PTPRF: variants seen among roughly 807,000 people sequenced by gnomAD.
PTPRF encodes receptor-type tyrosine-protein phosphatase F.
In PTPRF, 59 loss-of-function variants were observed where a neutral mutation model predicts 201.8. That is an observed-to-expected ratio of 0.29 (90% CI 0.24 to 0.36). PTPRF has a LOEUF of 0.36. PTPRF is among the 10% of genes least tolerant of loss of function. The pLI, the probability that PTPRF is intolerant of heterozygous loss-of-function variation, is 1.00. For synonymous variants in PTPRF, 1,088 were observed against 1,089.7 expected (o/e 1.00, Z 0.03); for missense variants, 2,132 against 2,690.5 (o/e 0.79, Z 4.59).
chr1:43,553,382 C>G lies in PTPRF; in HGVS notation c.92-110C>G, dbSNP rs1645152864. On this transcript the variant is annotated intron_variant, in intron 3 of 33. Coordinates refer to ENST00000359947, the MANE Select transcript of PTPRF (RefSeq NM_002840.5). The surrounding 1 kb of genome is among the most constrained non-coding windows in gnomAD (Gnocchi z 4.1). ...TAAGCGCTACATAAAGGTGAGGTGT[C>G]CTTGTTTTCTTTGTAGGTCTTTCTC... 8.0e-7 allele frequency: 1 copy of G among 1,254,490 alleles called. No individual in the cohort carries two copies. The highest frequency in any genetic ancestry group is 1.5e-5 in the African/African-American group (1 of 66,448). 77.7% of individuals were successfully genotyped at this position (1,254,490 alleles called of 1,614,324 possible). A position where few individuals can be genotyped will look rare whatever the true frequency, so the allele number is the denominator to read the frequency against.
intron 5 of PTPRF, among the ~76,000 whole-genome samples, chr1:43,561,091 T>C (rs754520299): frequency 1.2e-4 from 18 of 152,048 alleles, no homozygotes; most frequent in Non-Finnish European, 2.4e-4. Context: ...CTGGCTGGCT[T>C]TGGGGCTCGT....
At position 43,618,677 on chromosome 1, in the gene PTPRF, C is replaced by G. The variant is rs770071834; in HGVS notation, c.4419C>G (p.Gly1473=). ...CAGCCCGTGGCACCGAGACCTGTGG[C>G]CTTATTCAGGTGACCCTGTTGGACA... ...YWPARGTETC[G]LIQVTLLDTV... Residue 1473 remains glycine (G), a synonymous_variant, in exon 26 of 34, where the codon GGC becomes GGG. Transcript: ENST00000359947. The G allele has an allele frequency of 6.2e-7, 1 of 1,612,902 alleles. No homozygotes were observed. Among genetic ancestry groups the G allele is most frequent in the East Asian group, 2.2e-5 (1 of 44,814 alleles).
At chr1:43,575,951 C>T (rs58472247) in intron 6 of PTPRF, 12 of 1,364,192 alleles carry the variant, frequency 8.8e-6, no homozygotes, top group East Asian at 4.6e-5. Flanking sequence ...CCGTGCCTCT[C>T]GCCACACCAC....
chr1:43,612,856 C>T (rs778030701), intron 22 of PTPRF: 4 of 1,298,292 alleles, frequency 3.1e-6, no homozygotes, highest in South Asian at 1.2e-5. Flanking sequence ...TGTCTGTTTC[C>T]ACTCCTTACT....
chr1:43,606,211 C>A (rs1411923514), intron 19 of PTPRF, 29 bp from the exon 20 acceptor site: 4 of 1,597,642 alleles, frequency 2.5e-6, no homozygotes, highest in African/African-American at 1.3e-5. Context: ...TCCAAGGCCC[C>A]TCATGACCCC....
intron 13 of PTPRF, among the ~76,000 whole-genome samples, chr1:43,600,759 C>G (rs1182555961): frequency 1.3e-5 from 2 of 150,930 alleles, no homozygotes. Flanking sequence ...CTCTCTCCTT[C>G]TTGGAGTCTC....
Position 43,597,895 on chromosome 1 carries a change from G to T in PTPRF, c.1961G>T (p.Arg654Leu). 1 of 1,606,184 alleles carries T rather than the reference G, an allele frequency of 6.2e-7. No individual in the cohort carries two copies. Among genetic ancestry groups the T allele is most frequent in the Non-Finnish European group, 8.5e-7 (1 of 1,176,894 alleles). ...VAYEAVDGEDRGRHVVDGISR... is the reference protein window; with the variant it reads ...VAYEAVDGEDLGRHVVDGISR... ...TACGAGGCGGTGGACGGCGAGGACC[G>T]CGGGCGGCATGTGGTGGATGGCATC... is the stretch of plus-strand genomic sequence containing the variant. The change falls in exon 12 of 34, where the codon CGC becomes CTC. Residue 654 changes from arginine (R) to leucine (L), a missense_variant. Physicochemically the swap from Arg to Leu is moderately radical, Grantham distance 102. Coordinates refer to ENST00000359947, the MANE Select transcript of PTPRF (RefSeq NM_002840.5).
chr1:43,595,394 G>A (rs1258975665), intron 11 of PTPRF, among the ~76,000 whole-genome samples: 2 of 151,440 alleles, frequency 1.3e-5, no homozygotes, highest in Non-Finnish European at 2.9e-5. Flanking sequence ...TTTTTTTTTT[G>A]TAATTTTAGT....
chr1:43,556,329 T>TCGGCTCACTGCAACCTCCACCTCC (rs1301815251), intron 5 of PTPRF, among the ~76,000 whole-genome samples: 5 of 151,442 alleles, frequency 3.3e-5, no homozygotes, highest in Non-Finnish European at 7.4e-5. Flanking sequence ...TGGTGAGATC[T>TCGGCTCACTGCAACCTCCACCTCC]CGGCTCACTG....
chr1:43,569,219 G>GCC (rs11313129), intron 5 of PTPRF, among the ~76,000 whole-genome samples: 14 of 137,932 alleles, frequency 1.0e-4, no homozygotes, highest in Admixed American at 3.6e-4. Context: ...CTCCCTGCTA[G>GCC]CCCCCCCCCC....
rs1346574232 is a variant in PTPRF, at chr1:43,530,985, G to A, written c.-231G>A. On this transcript the variant is annotated 5_prime_UTR_variant, in exon 1 of 34. Coordinates refer to ENST00000359947, the MANE Select transcript of PTPRF (RefSeq NM_002840.5). The surrounding 1 kb of genome is among the most constrained non-coding windows in gnomAD (Gnocchi z 4.1). ...CGGCTCCGGCTCCAGCTCGGGTGGCGGTGGCGGGAGCGGGACCAGGTGGAG... is the reference window on the plus strand; with the variant it reads ...CGGCTCCGGCTCCAGCTCGGGTGGCAGTGGCGGGAGCGGGACCAGGTGGAG... 1 of 157,468 alleles carries A rather than the reference G, an allele frequency of 6.4e-6. No homozygotes were observed. The highest frequency in any genetic ancestry group is 1.4e-5 in the Non-Finnish European group (1 of 72,326). 9.8% of individuals were successfully genotyped at this position (157,468 alleles called of 1,614,324 possible).
intron 1 of PTPRF, among the ~76,000 whole-genome samples, chr1:43,533,420 G>C (rs1643807039): frequency 6.6e-6 from 1 of 152,076 alleles, no homozygotes; most frequent in Non-Finnish European, 1.5e-5. Flanking sequence ...TGGCAGTTTG[G>C]GCACAGTCCA....
intron 5 of PTPRF, among the ~76,000 whole-genome samples, chr1:43,568,912 G>C (rs1646373265): frequency 6.6e-6 from 1 of 152,206 alleles, no homozygotes; most frequent in Non-Finnish European, 1.5e-5. Flanking sequence ...ACACACTCAG[G>C]CATGGTCTGC....
chr1:43,606,049 A>T (rs1570587019), intron 19 of PTPRF, among the ~76,000 whole-genome samples, 191 bp from the exon 20 acceptor site: 1 of 152,118 alleles, frequency 6.6e-6, no homozygotes, highest in Non-Finnish European at 1.5e-5. Flanking sequence ...GCTGCTTCTC[A>T]TGGGCTGGTG....
rs113456929 is a variant in PTPRF at position 43,619,109 on chromosome 1, G to A, written c.4553G>A (p.Gly1518Glu). 6.8e-6 allele frequency: 11 copies of A among 1,613,926 alleles called. No homozygotes were observed. Among genetic ancestry groups the A allele is most frequent in the African/African-American group, 1.3e-5 (1 of 74,876 alleles). ...CAGTTCATGGCCTGGCCAGACCATG[G>A]AGTTCCTGAGTACCCAACTCCCATC... ...QFQFMAWPDH[G>E]VPEYPTPILA... The change falls in exon 27 of 34, where the codon GGA becomes GAA. Residue 1518 changes from glycine (G) to glutamate (E), a missense_variant. By Grantham distance (98) the Gly-to-Glu change is moderately conservative (BLOSUM62 -2). This residue lies in a region of PTPRF where 519 missense variants were observed against 659.5 expected (regional missense o/e 0.79). Coordinates refer to ENST00000359947, the MANE Select transcript of PTPRF (RefSeq NM_002840.5).
At chr1:43,535,147 C>T (rs1643926723) in intron 1 of PTPRF, among the ~76,000 whole-genome samples, 2 of 152,246 alleles carry the variant, frequency 1.3e-5, no homozygotes, top group South Asian at 4.1e-4. Context: ...AAGGTTGCTG[C>T]AATTCTGAGC....
Position 43,619,044 on chromosome 1 carries a change from C to G in PTPRF, c.4492-4C>G. The G allele has an allele frequency of 6.2e-7, 1 of 1,612,410 alleles. No homozygotes were observed. The highest frequency in any genetic ancestry group is 8.5e-7 in the Non-Finnish European group (1 of 1,178,634). On this transcript the variant is annotated splice_polypyrimidine_tract_variant and splice_region_variant and intron_variant, in intron 26 of 33. Transcript: ENST00000359947. ...CGCCAGTATGTCCCCACTTTGTCCC[C>G]CAGAGTGGCTCCAGTGAGAAGCGCG...
chr1:43,618,691 C>T lies in PTPRF; in HGVS notation c.4433C>T (p.Thr1478Ile), dbSNP rs763118237. The T allele has an allele frequency of 6.2e-7, 1 of 1,612,780 alleles. No homozygotes were observed. The highest frequency in any genetic ancestry group is 1.3e-5 in the African/African-American group (1 of 75,006). The change falls in exon 26 of 34, where the codon ACC becomes ATC. Residue 1478 changes from threonine (T) to isoleucine (I), a missense_variant. Physicochemically the swap from Thr to Ile is moderately conservative, Grantham distance 89 (BLOSUM62 -1). Transcript: ENST00000359947. The stretch of plus-strand genomic sequence containing the variant: ...GAGACCTGTGGCCTTATTCAGGTGA[C>T]CCTGTTGGACACAGTGGAGCTGGCC... ...GTETCGLIQV[T>I]LLDTVELATY...
At chr1:43,559,249 C>A (rs61769609) in intron 5 of PTPRF, among the ~76,000 whole-genome samples, 2,435 of 152,030 alleles carry the variant, frequency 0.016, 23 homozygotes, top group Non-Finnish European at 0.026. Flanking sequence ...TCAGCGCACA[C>A]GTTACCATCA....
Sources: allele counts gnomAD v4.1 joint callset (sites outside exome capture counted in the v4.1 genomes callset), GRCh38; gene constraint gnomAD v4.1.1; regional missense constraint gnomAD v4.1.1; non-coding constraint Gnocchi (gnomAD v3.1); transcripts MANE v1.5; gene names NCBI Gene and HGNC (gene_info 2026-07-23, HGNC 2026-07-21).